PRKACB: variants seen among roughly 807,000 people sequenced by gnomAD.
PRKACB encodes protein kinase cAMP-activated catalytic subunit beta.
Under a neutral mutation model 51.4 loss-of-function variants are expected in PRKACB, and 16 were observed. The ratio of observed to expected loss-of-function variants is 0.31; its 90% CI spans 0.21 to 0.47. PRKACB has a LOEUF of 0.47. Ranked by LOEUF, PRKACB falls within the 20% of genes least tolerant of loss-of-function variation. PRKACB has a pLI of 1.00. For synonymous variants in PRKACB, 147 were observed against 154.4 expected (o/e 0.95, Z 0.35); for missense variants, 309 against 464.5 (o/e 0.67, Z 3.08).
chr1:84,173,474 T>A, intron 1 of PRKACB: 1 of 864,300 alleles, frequency 1.2e-6, no homozygotes, highest in Non-Finnish European at 1.8e-6. Context: ...TTCTGTTTAC[T>A]GAAAATATTT....
At position 84,172,380 on chromosome 1, in the gene PRKACB, C is replaced by T. The variant is rs1163360907; in HGVS notation, c.188-6797C>T. On this transcript the variant is annotated intron_variant, in intron 1 of 9. Coordinates refer to ENST00000370685, the MANE Select transcript of PRKACB (RefSeq NM_182948.4). ...CTTCAAGGAGCATTTCAAAGATTGC[C>T]TGGGTCATTAGTTTTATGACTATAA... is the stretch of plus-strand genomic sequence containing the variant. 6.6e-5 allele frequency among the ~76,000 whole-genome samples: 10 copies of T among 151,730 alleles called. No homozygotes were observed. In the East Asian group the frequency reaches 1.9e-3, roughly 29 times the overall value.
At chr1:84,233,057 G>T (rs1383206574) in intron 9 of PRKACB, among the ~76,000 whole-genome samples, 1 of 151,522 alleles carries the variant, frequency 6.6e-6, no homozygotes, top group African/African-American at 2.4e-5. Context: ...GGTACCGGTT[G>T]TTCCTTTCCA....
At position 84,125,348 on chromosome 1, in the gene PRKACB, C is replaced by T. The variant is rs191847573; in HGVS notation, c.46+46977C>T. ...CACGTGAAATTTCATGACATGTTGC[C>T]ATGGCTCTCTTCTGCTCCTAGCTGG... On this transcript the variant is annotated intron_variant, in intron 1 of 8. Coordinates refer to the PRKACB transcript ENST00000370688. Among the ~76,000 whole-genome samples, 5 of 152,298 alleles carry T rather than the reference C, an allele frequency of 3.3e-5. No homozygotes were observed. In the East Asian group the frequency reaches 9.6e-4, roughly 29 times the overall value.
chr1:84,187,521 G>T (rs765255011), intron 5 of PRKACB, among the ~76,000 whole-genome samples: 5 of 152,076 alleles, frequency 3.3e-5, no homozygotes, highest in Non-Finnish European at 5.9e-5. Context: ...TGAACTTTCT[G>T]TGTGGCCCAT....
At chr1:84,186,488 G>C (rs1665153148) in intron 5 of PRKACB, among the ~76,000 whole-genome samples, 1 of 152,022 alleles carries the variant, frequency 6.6e-6, no homozygotes, top group Non-Finnish European at 1.5e-5. Context: ...CAAAGTGCTG[G>C]GATTACAGGT....
rs1459629122 is a variant in PRKACB at position 84,238,498 on chromosome 1, A to G, written c.*3193A>G. 6.6e-6 allele frequency: 1 copy of G among 152,520 alleles called. No individual in the cohort carries two copies. Among genetic ancestry groups the G allele is most frequent in the East Asian group, 1.9e-4 (1 of 5,192 alleles). 9.4% of individuals were successfully genotyped at this position (152,520 alleles called of 1,614,324 possible). A position where few individuals can be genotyped will look rare whatever the true frequency, so the allele number is the denominator to read the frequency against. On this transcript the variant is annotated 3_prime_UTR_variant, in exon 10 of 10. Transcript: ENST00000370685. ...TAAAGTACCTTCAATGGATAAGACAATTGATTGAGTCGTGAATTCTACTTG... is the reference window on the plus strand; with the variant it reads ...TAAAGTACCTTCAATGGATAAGACAGTTGATTGAGTCGTGAATTCTACTTG...
At chr1:84,231,165 A>G (rs565575428) in intron 9 of PRKACB, among the ~76,000 whole-genome samples, 104 of 152,222 alleles carry the variant, frequency 6.8e-4, no homozygotes, top group African/African-American at 2.4e-3. Flanking sequence ...CCTTTTCTGC[A>G]TCTATTGAGA....
rs944708046 is a variant in PRKACB, at chr1:84,236,922, G to A, written c.*1617G>A. On this transcript the variant is annotated 3_prime_UTR_variant, in exon 10 of 10. Transcript: ENST00000370685. ...TATTTTTAATCAAGCTGATCTTAAT[G>A]TATATAATCATTCTATTTGCTTTAT... The A allele has an allele frequency of 2.6e-5, 4 of 152,336 alleles. No individual in the cohort carries two copies. The highest frequency in any genetic ancestry group is 4.4e-5 in the Non-Finnish European group (3 of 68,012). The allele number at this position is 152,336 out of a possible 1,614,324, so 9.4% of individuals were successfully genotyped here.
intron 1 of PRKACB, among the ~76,000 whole-genome samples, chr1:84,089,478 T>C (rs1418643244): frequency 2.6e-5 from 4 of 152,182 alleles, no homozygotes; most frequent in African/African-American, 9.7e-5. Context: ...AAATTTGTTA[T>C]TCAAGGCATG....
chr1:84,206,886 CCTA>C (rs1671419230), intron 8 of PRKACB, among the ~76,000 whole-genome samples: 1 of 152,086 alleles, frequency 6.6e-6, no homozygotes, highest in Admixed American at 6.6e-5. Flanking sequence ...CAGTCTCAGG[CCTA>C]CTATGTTAAG....
chr1:84,211,927 G>A (rs1426730898), intron 8 of PRKACB, among the ~76,000 whole-genome samples: 2 of 151,982 alleles, frequency 1.3e-5, no homozygotes, highest in East Asian at 3.9e-4. Context: ...TCATAATCTA[G>A]GATAATAAAG....
intron 1 of PRKACB, among the ~76,000 whole-genome samples, chr1:84,175,364 A>G (rs1486763784): frequency 2.6e-5 from 4 of 151,784 alleles, no homozygotes; most frequent in African/African-American, 9.7e-5. Flanking sequence ...AGAAAGATTT[A>G]TAAACTCTTA....
chr1:84,090,263 C>G (rs1167809679), intron 1 of PRKACB, among the ~76,000 whole-genome samples: 2 of 152,132 alleles, frequency 1.3e-5, no homozygotes, highest in African/African-American at 4.8e-5. Flanking sequence ...AAAATAAAAG[C>G]TATCAGACAG....
intron 5 of PRKACB, among the ~76,000 whole-genome samples, chr1:84,190,546 T>A (rs12092953): frequency 0.015 from 2,229 of 152,154 alleles, 58 homozygotes; most frequent in African/African-American, 0.049. Flanking sequence ...GATACACGTT[T>A]ATTAAATCAG....
chr1:84,091,583 A>C (rs1003649312), intron 1 of PRKACB, among the ~76,000 whole-genome samples: 1 of 151,976 alleles, frequency 6.6e-6, no homozygotes, highest in East Asian at 1.9e-4. Flanking sequence ...GAGTCCCTGC[A>C]ACTGCTGCCT....
chr1:84,164,553 G>T, intron 1 of PRKACB: 1 of 1,419,670 alleles, frequency 7.0e-7, no homozygotes. Flanking sequence ...TATTTTATTT[G>T]TCTGGTGGAT....
intron 1 of PRKACB, among the ~76,000 whole-genome samples, chr1:84,165,341 C>A (rs1484365116): frequency 6.6e-6 from 1 of 151,768 alleles, no homozygotes; most frequent in Non-Finnish European, 1.5e-5. Context: ...CTTTTAGTAT[C>A]TGATCCTGAA....
rs1676824485 is a variant in PRKACB, at chr1:84,238,225, C to A, written c.*2920C>A. 6.6e-6 allele frequency: 1 copy of A among 152,152 alleles called. No homozygotes were observed. Among genetic ancestry groups the A allele is most frequent in the South Asian group, 2.1e-4 (1 of 4,820 alleles). The allele number at this position is 152,152 out of a possible 1,614,324, so 9.4% of individuals were successfully genotyped here. A position where few individuals can be genotyped will look rare whatever the true frequency, so the allele number is the denominator to read the frequency against. On this transcript the variant is annotated 3_prime_UTR_variant, in exon 10 of 10. Coordinates refer to ENST00000370685, the MANE Select transcript of PRKACB (RefSeq NM_182948.4). ...ATTCTTGTGTTAACTGCCCATTGGCCTGAAAATACTCATTGTAAGCCTGAA... is the reference window on the plus strand; with the variant it reads ...ATTCTTGTGTTAACTGCCCATTGGCATGAAAATACTCATTGTAAGCCTGAA...
intron 8 of PRKACB, among the ~76,000 whole-genome samples, chr1:84,204,243 C>T (rs945725448): frequency 1.3e-5 from 2 of 151,842 alleles, no homozygotes; most frequent in Admixed American, 1.3e-4. Flanking sequence ...TCAGTATTCA[C>T]AAATTAGGAG....
Sources: gnomAD v4.1 joint callset for allele counts (sites outside exome capture counted in the v4.1 genomes callset) on GRCh38, gnomAD v4.1.1 for gene constraint, MANE v1.5 for transcripts, NCBI Gene and HGNC (gene_info 2026-07-23, HGNC 2026-07-21) for gene names.